Variants in NRXN2 observed in about 807,000 individuals in gnomAD.
The protein encoded by NRXN2 is neurexin-2-beta.
Under a neutral mutation model 128.8 loss-of-function variants are expected in NRXN2, and 29 were observed. That is an observed-to-expected ratio of 0.23 (90% CI 0.17 to 0.31). The LOEUF is 0.31. NRXN2 is among the 10% of genes least tolerant of loss of function. The pLI, the probability that NRXN2 is intolerant of heterozygous loss-of-function variation, is 1.00. For missense variants in NRXN2, 1,881 were observed against 2,452.6 expected (o/e 0.77, Z 4.92); for synonymous variants, 1,098 against 1,075.2 (o/e 1.02, Z -0.41).
Position 64,668,475 on chromosome 11 carries a change from C to A in NRXN2, c.1327G>T (p.Val443Phe), listed in dbSNP as rs557104010. ...PNTADLPGSPVSNNFMGCLKD... is the reference protein window; with the variant it reads ...PNTADLPGSPFSNNFMGCLKD... ...AGGCAGCCCATGAAGTTGTTGCTGA[C>A]GGGCGAGCCCGGCAGGTCAGCTGTG... Residue 443 changes from valine to phenylalanine, a missense_variant, in exon 8 of 23, where the codon GTC (valine) becomes TTC (phenylalanine). By Grantham distance (50) the Val-to-Phe change is conservative (BLOSUM62 -1). Coordinates refer to ENST00000265459, the MANE Select transcript of NRXN2 (RefSeq NM_015080.4). 1.2e-6 allele frequency: 2 copies of A among 1,614,074 alleles called. No homozygotes were observed. Among genetic ancestry groups the A allele is most frequent in the South Asian group, 2.2e-5 (2 of 91,080 alleles).
Position 64,713,543 on chromosome 11 carries a change from G to A in NRXN2, c.157C>T (p.Leu53Phe), listed in dbSNP as rs568060819. 1.9e-5 allele frequency: 27 copies of A among 1,441,302 alleles called. No homozygotes were observed. The highest frequency in any genetic ancestry group is 4.9e-4 in the Middle Eastern group (2 of 4,060). 89.3% of individuals were successfully genotyped at this position (1,441,302 alleles called of 1,614,324 possible). Residue 53 changes from leucine (L) to phenylalanine (F), a missense_variant, in exon 2 of 23, where the codon CTC becomes TTC. Transcript: ENST00000265459. ...RWAGAASSGELSFSLRTNATR... is the reference protein window; with the variant it reads ...RWAGAASSGEFSFSLRTNATR... ...GCGTTGGTGCGCAGGCTGAAGCTGA[G>A]CTCGCCGCTGCTCGCCGCGCCCGCC...
chr11:64,708,676 T>G (rs777429236), intron 2 of NRXN2, among the ~76,000 whole-genome samples: 1 of 152,104 alleles, frequency 6.6e-6, no homozygotes, highest in Non-Finnish European at 1.5e-5. Context: ...ATACACAAAT[T>G]CGTATGCACA....
chr11:64,660,155 G>A lies in NRXN2; in HGVS notation c.2389+177C>T, dbSNP rs952997208. On this transcript the variant is annotated intron_variant, in intron 11 of 22. Transcript: ENST00000265459. The surrounding 1 kb of genome is among the most constrained non-coding windows in gnomAD (Gnocchi z 5.2). ...CATGGAATGTCGCCCTACACTGTGC[G>A]TCCTCACCAGGGACAGAGCTCTCAG... Among the ~76,000 whole-genome samples, 3 of 152,246 alleles carry A rather than the reference G, an allele frequency of 2.0e-5. No individual in the cohort carries two copies. The highest frequency in any genetic ancestry group is 2.9e-5 in the Non-Finnish European group (2 of 68,022).
chr11:64,651,748 G>C lies in NRXN2; in HGVS notation c.2537-112C>G, dbSNP rs1337368749. On this transcript the variant is annotated intron_variant, in intron 13 of 22. Coordinates refer to ENST00000265459, the MANE Select transcript of NRXN2 (RefSeq NM_015080.4). This position sits in a 1 kb window ranked among gnomAD's most constrained non-coding sequence, Gnocchi z 5.9. ...GGGCCACCCATGAGTGACATCTTTA[G>C]AGATGTCCTCGGCTAGGCACTAGCA... 3 of 1,218,042 alleles carry C rather than the reference G, an allele frequency of 2.5e-6. No individual in the cohort carries two copies. Among genetic ancestry groups the C allele is most frequent in the Non-Finnish European group, 3.5e-6 (3 of 853,740 alleles). The allele number at this position is 1,218,042 out of a possible 1,614,324, so 75.5% of individuals were successfully genotyped here. A position where few individuals can be genotyped will look rare whatever the true frequency, so the allele number is the denominator to read the frequency against.
intron 17 of NRXN2, chr11:64,642,459 G>T: frequency 6.7e-7 from 1 of 1,499,840 alleles, no homozygotes; most frequent in Admixed American, 2.1e-5. Context: ...GGTGGGGCCC[G>T]CGGGGGCCCA....
chr11:64,642,666 C>T (rs2045891523), intron 17 of NRXN2: 1 of 1,576,678 alleles, frequency 6.3e-7, no homozygotes, highest in Admixed American at 1.8e-5. Flanking sequence ...CCTCGGCCGC[C>T]CCCAGCAGCA....
intron 7 of NRXN2, among the ~76,000 whole-genome samples, chr11:64,671,757 AAG>A (rs2050671178): frequency 6.6e-6 from 1 of 152,022 alleles, no homozygotes; most frequent in Non-Finnish European, 1.5e-5. Flanking sequence ...GATGGGGGGA[AAG>A]AGAGAGGAGT....
intron 22 of NRXN2, among the ~76,000 whole-genome samples, chr11:64,609,505 T>C (rs984008837): frequency 5.3e-5 from 8 of 152,216 alleles, no homozygotes; most frequent in Middle Eastern, 6.3e-3. Context: ...CTGGAGTCCC[T>C]TGGGCAGAAA....
chr11:64,679,344 A>AT (rs1342313101), intron 6 of NRXN2, among the ~76,000 whole-genome samples: 2 of 152,204 alleles, frequency 1.3e-5, no homozygotes, highest in African/African-American at 4.8e-5. Flanking sequence ...CAAATTAAGA[A>AT]TCAGGATTGA....
chr11:64,607,808 G>A lies in NRXN2; in HGVS notation c.4527C>T (p.Asp1509=), dbSNP rs143632644. Residue 1509 remains aspartate, a synonymous_variant, in exon 23 of 23, where the codon GAC becomes GAT. Transcript: ENST00000265459. The part of the protein sequence containing the change: ...EVFDSSLPPT[D]DEDFYTTFPL... The stretch of plus-strand genomic sequence containing the variant: ...GAAAGGTGGTGTAAAAGTCCTCGTC[G>A]TCCGTGGGGGGGAGGCTGGAGTCAA... 2.7e-4 allele frequency: 438 copies of A among 1,601,410 alleles called. No individual in the cohort carries two copies. Among genetic ancestry groups the A allele is most frequent in the Non-Finnish European group, 3.5e-4 (407 of 1,174,662 alleles).
Position 64,661,683 on chromosome 11 carries a change from C to T in NRXN2, c.1799-544G>A, listed in dbSNP as rs996764075. ...TCACTTAAGTCTCATAATAACTCTA[C>T]GAAATCAGTCCTTTATGATCCCATT... On this transcript the variant is annotated intron_variant, in intron 9 of 22. Coordinates refer to ENST00000265459, the MANE Select transcript of NRXN2 (RefSeq NM_015080.4). Among the ~76,000 whole-genome samples the T allele has an allele frequency of 4.0e-4, 61 of 152,290 alleles. 1 individual carries two copies. Among genetic ancestry groups the T allele is most frequent in the Admixed American group, 2.1e-3 (32 of 15,302 alleles).
chr11:64,618,482 C>T (rs2041859346), intron 22 of NRXN2, among the ~76,000 whole-genome samples: 1 of 152,224 alleles, frequency 6.6e-6, no homozygotes, highest in African/African-American at 2.4e-5. Flanking sequence ...CCCAGAGCCC[C>T]GTCCCAGAGC....
intron 1 of NRXN2, among the ~76,000 whole-genome samples, chr11:64,716,229 A>T (rs908072171): frequency 2.4e-4 from 36 of 152,134 alleles, no homozygotes; most frequent in African/African-American, 8.0e-4. Flanking sequence ...CGGAGGGAAA[A>T]GGATTTCGTG....
intron 3 of NRXN2, among the ~76,000 whole-genome samples, chr11:64,696,291 G>A (rs1369045226): frequency 6.7e-6 from 1 of 150,340 alleles, no homozygotes; most frequent in Non-Finnish European, 1.5e-5. Context: ...ACTGACACAC[G>A]GAGATGCAAA....
At chr11:64,641,222 A>G (rs2135412146) in intron 17 of NRXN2, among the ~76,000 whole-genome samples, 1 of 152,202 alleles carries the variant, frequency 6.6e-6, no homozygotes, top group Middle Eastern at 3.4e-3. Context: ...TGTTGAGAGC[A>G]CAGGGATGGG....
At position 64,607,537 on chromosome 11, in the gene NRXN2, C is replaced by G. The variant is rs747979080; in HGVS notation, c.4798G>C (p.Val1600Leu). ...PRRPPPLRPGVTSAPGFPHLP... is the reference protein window; with the variant it reads ...PRRPPPLRPGLTSAPGFPHLP... ...TGGGGGAAGCCGGGGGCTGAGGTCA[C>G]GCCGGGGCGCAGGGGAGGGGGCCTC... Residue 1600 changes from valine (V) to leucine (L), a missense_variant, in exon 23 of 23, where the codon GTG becomes CTG. Physicochemically the swap from Val to Leu is conservative, Grantham distance 32 (BLOSUM62 1). Transcript: ENST00000265459. The G allele has an allele frequency of 6.4e-7, 1 of 1,564,172 alleles. No individual in the cohort carries two copies. Among genetic ancestry groups the G allele is most frequent in the Admixed American group, 1.8e-5 (1 of 54,636 alleles).
At position 64,713,338 on chromosome 11, in the gene NRXN2, G is replaced by A; in HGVS notation, c.362C>T (p.Ala121Val). The A allele has an allele frequency of 7.3e-7, 1 of 1,376,276 alleles. No homozygotes were observed. Among genetic ancestry groups the A allele is most frequent in the Non-Finnish European group, 9.3e-7 (1 of 1,072,918 alleles). 85.3% of individuals were successfully genotyped at this position (1,376,276 alleles called of 1,614,324 possible). ...GTCCACCGCCAGCGCCGTGCGGCGC[G>A]CGTCGCGGGTCAGCAGCACCATGTG... is the stretch of plus-strand genomic sequence containing the variant. ...RWHMVLLTRD[A>V]RRTALAVDGE... The change falls in exon 2 of 23, where the codon GCG becomes GTG. Residue 121 changes from alanine (A) to valine (V), a missense_variant. By Grantham distance (64) the Ala-to-Val change is moderately conservative. Transcript: ENST00000265459.
chr11:64,638,003 A>C (rs2045026587), intron 17 of NRXN2, among the ~76,000 whole-genome samples: 2 of 152,204 alleles, frequency 1.3e-5, no homozygotes, highest in South Asian at 2.1e-4. Context: ...AGCTGCACAC[A>C]AAGACCCAGC....
intron 19 of NRXN2, among the ~76,000 whole-genome samples, chr11:64,629,830 T>C (rs924736591): frequency 1.3e-5 from 2 of 152,182 alleles, no homozygotes; most frequent in Admixed American, 1.3e-4. Flanking sequence ...CTCACCGCCT[T>C]GGACACTGGG....
Sources: gnomAD v4.1 joint callset for allele counts (sites outside exome capture counted in the v4.1 genomes callset) on GRCh38, gnomAD v4.1.1 for gene constraint, Gnocchi (gnomAD v3.1) non-coding constraint, MANE v1.5 for transcripts, NCBI Gene and HGNC (gene_info 2026-07-23, HGNC 2026-07-21) for gene names.